Variants in PREP observed in about 807,000 individuals in gnomAD.
PREP encodes the protein dJ355L5.1 (prolyl endopeptidase).
A neutral mutation model predicts 87.6 loss-of-function variants in PREP; 29 were observed. The observed-to-expected ratio is 0.33, with a 90% CI of 0.25 to 0.45. The LOEUF is 0.45. PREP is among the 20% of genes least tolerant of loss of function. The pLI is 1.00. For missense variants in PREP, 695 were observed against 886.5 expected (o/e 0.78, Z 2.74); for synonymous variants, 337 against 328.6 (o/e 1.03, Z -0.28).
Position 105,318,812 on chromosome 6 carries a change from C to T in PREP, c.1317+4853G>A, listed in dbSNP as rs948025045. Among the ~76,000 whole-genome samples, 21 of 152,200 alleles carry T rather than the reference C, an allele frequency of 1.4e-4. 1 individual carries two copies. Among genetic ancestry groups the T allele is most frequent in the African/African-American group, 4.8e-4 (20 of 41,450 alleles). On this transcript the variant is annotated intron_variant, in intron 10 of 14. Coordinates refer to ENST00000652536, the MANE Select transcript of PREP (RefSeq NM_002726.5). ...AATTTCTGACCTATACCCAATCACA[C>T]GAACACGCTGCTATGGGAAGACACT...
chr6:105,304,315 C>T (rs1019755262), intron 10 of PREP, among the ~76,000 whole-genome samples: 2 of 152,190 alleles, frequency 1.3e-5, no homozygotes, highest in South Asian at 2.1e-4. Context: ...CCTCAGATTT[C>T]GGTATCCACA....
chr6:105,276,655 A>T lies in PREP; in HGVS notation c.*1489T>A, dbSNP rs1398224503. Among the ~76,000 whole-genome samples, 2 of 152,228 alleles carry T rather than the reference A, an allele frequency of 1.3e-5. No homozygotes were observed. The highest frequency in any genetic ancestry group is 4.8e-5 in the African/African-American group (2 of 41,462). ...CTTTGTTTCCAGAGGAGTTATGGTG[A>T]ATCTTATACTCAATGACAACTGTAT... On this transcript the variant is annotated 3_prime_UTR_variant, in exon 15 of 15. Coordinates refer to ENST00000652536, the MANE Select transcript of PREP (RefSeq NM_002726.5).
intron 2 of PREP, among the ~76,000 whole-genome samples, chr6:105,384,166 C>T (rs149448464): frequency 1.3e-5 from 2 of 152,088 alleles, no homozygotes; most frequent in Admixed American, 6.5e-5. Flanking sequence ...TGTCCCTCCC[C>T]CAGACCACGG....
chr6:105,381,665 AAC>A lies in PREP; in HGVS notation c.121-4148_121-4147del, dbSNP rs1349108366. Reference sequence around the variant, plus strand: ...GATTTTATATCCATAGATGAATCTGAACACATTTTCCTAGCAAAGAGTAGCTG... The same window carrying A: ...GATTTTATATCCATAGATGAATCTGAACATTTTCCTAGCAAAGAGTAGCTG... On this transcript the variant is annotated intron_variant, in intron 2 of 14. Coordinates refer to ENST00000652536, the MANE Select transcript of PREP (RefSeq NM_002726.5). 2.6e-5 allele frequency among the ~76,000 whole-genome samples: 4 copies of A among 152,194 alleles called. No individual in the cohort carries two copies. In the East Asian group the frequency reaches 5.8e-4, roughly 22 times the overall value.
chr6:105,396,386 C>A (rs1394411949), intron 2 of PREP, among the ~76,000 whole-genome samples: 1 of 152,174 alleles, frequency 6.6e-6, no homozygotes, highest in African/African-American at 2.4e-5. Context: ...AGCAGGTGAG[C>A]CAGTGCTTGA....
At chr6:105,310,275 C>G (rs536102537) in intron 10 of PREP, among the ~76,000 whole-genome samples, 2 of 152,304 alleles carry the variant, frequency 1.3e-5, no homozygotes, top group East Asian at 1.9e-4. Flanking sequence ...ATTATTTTAA[C>G]TAGCAAAAAT....
intron 10 of PREP, among the ~76,000 whole-genome samples, chr6:105,316,475 G>A (rs1197409454): frequency 6.6e-6 from 1 of 152,220 alleles, no homozygotes; most frequent in African/African-American, 2.4e-5. Flanking sequence ...AACATTGTGA[G>A]AATTATCAAA....
chr6:105,337,161 G>T (rs1329210065), intron 7 of PREP, among the ~76,000 whole-genome samples: 1 of 152,154 alleles, frequency 6.6e-6, no homozygotes, highest in African/African-American at 2.4e-5. Context: ...CCAGCAGCCA[G>T]TGTTTCTGCT....
At chr6:105,300,218 A>C (rs1770503546) in intron 10 of PREP, among the ~76,000 whole-genome samples, 1 of 152,160 alleles carries the variant, frequency 6.6e-6, no homozygotes, top group Non-Finnish European at 1.5e-5. Flanking sequence ...TTTTCTTAAA[A>C]AGGAGACTCA....
rs1769931032 is a variant in PREP at position 105,276,375 on chromosome 6, A to T, written c.*1769T>A. On this transcript the variant is annotated 3_prime_UTR_variant, in exon 15 of 15. Transcript: ENST00000652536. ...CACACTGTATTTTCTGCTGTAAAGC[A>T]GACCTCAGAAAGTATGGTTAGATTC... Among the ~76,000 whole-genome samples, 2 of 152,286 alleles carry T rather than the reference A, an allele frequency of 1.3e-5. No homozygotes were observed. Among genetic ancestry groups the T allele is most frequent in the Non-Finnish European group, 2.9e-5 (2 of 68,048 alleles).
intron 10 of PREP, among the ~76,000 whole-genome samples, chr6:105,305,489 G>A (rs1770634743): frequency 1.3e-5 from 2 of 152,106 alleles, no homozygotes; most frequent in South Asian, 4.1e-4. Flanking sequence ...TGAACTAGAG[G>A]CGTAGAGGCG....
chr6:105,319,595 G>C (rs1770952021), intron 10 of PREP, among the ~76,000 whole-genome samples: 1 of 152,202 alleles, frequency 6.6e-6, no homozygotes, highest in Admixed American at 6.5e-5. Context: ...ACAGGGTACT[G>C]AGAGTAGGAT....
intron 4 of PREP, 50 bp from the exon 5 acceptor site, chr6:105,373,628 C>G: frequency 2.0e-6 from 3 of 1,533,556 alleles, no homozygotes; most frequent in Non-Finnish European, 2.7e-6. Flanking sequence ...AACACAACTC[C>G]ACGGTCCTTT....
chr6:105,364,066 C>T (rs1772320835), intron 6 of PREP, among the ~76,000 whole-genome samples: 1 of 152,136 alleles, frequency 6.6e-6, no homozygotes, highest in East Asian at 1.9e-4. Context: ...TCTTGTCTTA[C>T]TCCTCCTCCC....
At chr6:105,333,570 A>G (rs768836276) in intron 7 of PREP, 65 bp from the exon 8 acceptor site, 11 of 1,483,910 alleles carry the variant, frequency 7.4e-6, no homozygotes, top group Non-Finnish European at 1.0e-5. Context: ...CTTTGTGTGT[A>G]GGGAGGGGAG....
intron 5 of PREP, among the ~76,000 whole-genome samples, chr6:105,369,881 C>T (rs1365975332): frequency 1.3e-5 from 2 of 152,138 alleles, no homozygotes; most frequent in African/African-American, 4.8e-5. Flanking sequence ...AAACATCTGA[C>T]CAAAGATACA....
intron 2 of PREP, among the ~76,000 whole-genome samples, chr6:105,383,900 C>T (rs952232184): frequency 2.0e-5 from 3 of 152,152 alleles, no homozygotes; most frequent in African/African-American, 7.2e-5. Context: ...CCAAACCTAA[C>T]TAAATATCTG....
chr6:105,375,957 T>C (rs913161729), intron 4 of PREP, among the ~76,000 whole-genome samples, 168 bp downstream of exon 4: 1 of 152,230 alleles, frequency 6.6e-6, no homozygotes, highest in African/African-American at 2.4e-5. Context: ...TATTCATGTA[T>C]TCTAAATATA....
chr6:105,353,187 C>T, intron 6 of PREP, 110 bp from the exon 7 acceptor site: 1 of 760,052 alleles, frequency 1.3e-6, no homozygotes, highest in Non-Finnish European at 2.1e-6. Context: ...GGCAGTGTCT[C>T]TGCCCCAAAC....
Sources: gnomAD v4.1 joint callset for allele counts (sites outside exome capture counted in the v4.1 genomes callset) on GRCh38, gnomAD v4.1.1 for gene constraint, MANE v1.5 for transcripts, NCBI Gene and HGNC (gene_info 2026-07-23, HGNC 2026-07-21) for gene names.